Variants in USP9X observed in about 807,000 individuals in gnomAD.
USP9X encodes ubiquitin carboxyl-terminal hydrolase 9X.
In USP9X, 7 loss-of-function variants were observed where a neutral mutation model predicts 190.3. The observed-to-expected ratio is 0.04, with a 90% CI of 0.02 to 0.07. The LOEUF (loss-of-function observed/expected upper bound fraction) is 0.07, where lower values mean the gene tolerates loss of function less well. USP9X is among the 10% of genes least tolerant of loss of function. The pLI is 1.00. For missense variants in USP9X, 1,010 were observed against 1,916.9 expected, an observed-to-expected ratio of 0.53 and a Z score of 8.83; for synonymous variants, 645 against 659.5, an observed-to-expected ratio of 0.98 and a Z score of 0.34.
Position 41,183,430 on chromosome X carries a change from A to G in USP9X, c.3149-568A>G, listed in dbSNP as rs768638775. Among the ~76,000 whole-genome samples the G allele has an allele frequency of 5.6e-3, 632 of 111,900 alleles. 1 individual carries two copies. Among genetic ancestry groups the G allele is most frequent in the Non-Finnish European group, 8.2e-3 (436 of 53,149 alleles). On this transcript the variant is annotated intron_variant, in intron 21 of 44. Coordinates refer to ENST00000378308, the MANE Select transcript of USP9X (RefSeq NM_001039591.3). ...TTTGGGATTATCTTATTTTTCCCCC[A>G]CTGTGTCTTTTCACCGTAATTTAAA...
intron 32 of USP9X, among the ~76,000 whole-genome samples, chrX:41,207,237 C>G (rs921408452): frequency 2.8e-5 from 3 of 108,082 alleles, no homozygotes; most frequent in Non-Finnish European, 5.8e-5. Context: ...GACAGGCCCA[C>G]CACACCCCGC....
At chrX:41,179,207 T>A (rs2062805580) in intron 21 of USP9X, among the ~76,000 whole-genome samples, 1 of 111,524 alleles carries the variant, frequency 9.0e-6, no homozygotes. Context: ...CTTTTGTAGT[T>A]CCATATGAAT....
intron 30 of USP9X, among the ~76,000 whole-genome samples, chrX:41,200,048 ATAAT>A (rs978623825): frequency 1.3e-4 from 15 of 112,014 alleles, no homozygotes; most frequent in Non-Finnish European, 2.8e-4. Context: ...ACTTAAGAAT[ATAAT>A]TGATTATAGT....
Position 41,230,508 on chromosome X carries a change from A to C in USP9X, c.7439A>C (p.Asp2480Ala). The C allele has an allele frequency of 8.3e-7, 1 of 1,209,768 alleles. No homozygotes were observed. The highest frequency in any genetic ancestry group is 1.1e-6 in the Non-Finnish European group (1 of 894,381). The change falls in exon 44 of 45, where the codon GAT becomes GCT. Residue 2480 changes from aspartate (D) to alanine (A), a missense_variant. Physicochemically the swap from Asp to Ala is moderately radical, Grantham distance 126. Coordinates refer to ENST00000378308, the MANE Select transcript of USP9X (RefSeq NM_001039591.3). Reference protein sequence around the residue: ...ACELCPEEEPDDQDAPDEHES... With the variant: ...ACELCPEEEPADQDAPDEHES... Reference sequence around the variant, plus strand: ...TGAAATATTCAAAATTAGGAGCCAGATGACCAAGATGCTCCAGATGAACAT... The same window carrying C: ...TGAAATATTCAAAATTAGGAGCCAGCTGACCAAGATGCTCCAGATGAACAT...
Position 41,189,294 on chromosome X carries a change from A to G in USP9X, c.3811-15A>G. ...TACTTCTTTGGGTAATTTGTTCTTG[A>G]TTGTAATTTTACAGACCAATGCAGG... On this transcript the variant is annotated splice_polypyrimidine_tract_variant and intron_variant, in intron 25 of 44. Transcript: ENST00000378308. 2.5e-6 allele frequency: 3 copies of G among 1,197,488 alleles called. No homozygotes were observed. Among genetic ancestry groups the G allele is most frequent in the Non-Finnish European group, 3.4e-6 (3 of 888,361 alleles).
At chrX:41,207,171 C>G (rs1186169727) in intron 32 of USP9X, among the ~76,000 whole-genome samples, 4 of 100,177 alleles carry the variant, frequency 4.0e-5, no homozygotes, top group African/African-American at 1.5e-4. Flanking sequence ...TCACTGCAAC[C>G]TCTGCCTCCC....
chrX:41,229,729 C>A lies in USP9X; in HGVS notation c.7381C>A (p.His2461Asn). The A allele has an allele frequency of 8.3e-7, 1 of 1,211,876 alleles. No homozygotes were observed. Among genetic ancestry groups the A allele is most frequent in the Non-Finnish European group, 1.1e-6 (1 of 895,586 alleles). Residue 2461 changes from histidine (H) to asparagine (N), a missense_variant, in exon 43 of 45, where the codon CAT becomes AAT. Physicochemically the swap from His to Asn is moderately conservative, Grantham distance 68 (BLOSUM62 1). Around this residue, in one of 11 missense-constraint regions of USP9X, gnomAD observed 20 missense variants for 59.3 expected, o/e 0.34. Coordinates refer to ENST00000378308, the MANE Select transcript of USP9X (RefSeq NM_001039591.3). ...TSNGYFLERS[H>N]SARMTLAKAC... Reference sequence around the variant, plus strand: ...CAATGGTTATTTCTTGGAGAGATCACATAGTGCTAGGATGACACTTGCAAA... The same window carrying A: ...CAATGGTTATTTCTTGGAGAGATCAAATAGTGCTAGGATGACACTTGCAAA...
At chrX:41,107,086 A>G (rs2062075626) in intron 1 of USP9X, among the ~76,000 whole-genome samples, 2 of 108,099 alleles carry the variant, frequency 1.9e-5, no homozygotes, top group Admixed American at 1.0e-4. Flanking sequence ...GGGTTTCACA[A>G]TGTTGGCCAG....
In USP9X at chrX:41,232,906, C is replaced by A; in HGVS notation, c.*382C>A. The A allele has an allele frequency of 8.7e-6, 1 of 114,990 alleles. No individual in the cohort carries two copies. Among genetic ancestry groups the A allele is most frequent in the Non-Finnish European group, 1.8e-5 (1 of 54,980 alleles). 9.5% of individuals were successfully genotyped at this position (114,990 alleles called of 1,213,427 possible). A position where few individuals can be genotyped will look rare whatever the true frequency, so the allele number is the denominator to read the frequency against. ...GCAACCAGTGTTGCCTGCCTCATGG[C>A]AGTTGGATCAGCTCCTTTACAAAAA... On this transcript the variant is annotated 3_prime_UTR_variant, in exon 45 of 45. Coordinates refer to ENST00000378308, the MANE Select transcript of USP9X (RefSeq NM_001039591.3).
chrX:41,220,645 A>G (rs1317653600), intron 38 of USP9X, among the ~76,000 whole-genome samples: 1 of 112,343 alleles, frequency 8.9e-6, no homozygotes, highest in Non-Finnish European at 1.9e-5. Flanking sequence ...CCACATTTTG[A>G]CAGCAACTTA....
chrX:41,140,725 A>G lies in USP9X; in HGVS notation c.724A>G (p.Ile242Val), dbSNP rs757553294. 7.5e-6 allele frequency: 9 copies of G among 1,205,848 alleles called. No individual in the cohort carries two copies. Among genetic ancestry groups the G allele is most frequent in the Non-Finnish European group, 1.0e-5 (9 of 893,809 alleles). Residue 242 changes from isoleucine to valine, a missense_variant, in exon 7 of 45, where the codon ATT (isoleucine) becomes GTT (valine). Physicochemically the swap from Ile to Val is conservative, Grantham distance 29. This residue lies in a region of USP9X where 176 missense variants were observed against 247.5 expected (regional missense o/e 0.71). Coordinates refer to ENST00000378308, the MANE Select transcript of USP9X (RefSeq NM_001039591.3). ...NGFQILHDRF[I>V]NGSALNVQII... ...GTTCCAGATTTTGCATGATCGTTTTATTAATGGATCAGCATTAAACGTTCA... is the reference window on the plus strand; with the variant it reads ...GTTCCAGATTTTGCATGATCGTTTTGTTAATGGATCAGCATTAAACGTTCA...
At chrX:41,184,149 G>T (rs780123756) in intron 22 of USP9X, 21 bp downstream of exon 22, 10 of 1,171,416 alleles carry the variant, frequency 8.5e-6, no homozygotes, top group African/African-American at 1.8e-5. Context: ...GGGGTTTTTT[G>T]TTGTTGTTGT....
intron 1 of USP9X, among the ~76,000 whole-genome samples, chrX:41,087,229 C>T (rs879144471): frequency 3.6e-5 from 4 of 112,248 alleles, no homozygotes; most frequent in Admixed American, 2.8e-4. Flanking sequence ...TGTTCTTTTA[C>T]CTGGAAACCC....
At chrX:41,124,701 T>C (rs2062221578) in intron 2 of USP9X, among the ~76,000 whole-genome samples, 1 of 111,650 alleles carries the variant, frequency 9.0e-6, no homozygotes, top group African/African-American at 3.3e-5. Context: ...AAATTGTCAA[T>C]TTACAATAAG....
At position 41,188,240 on chromosome X, in the gene USP9X, A is replaced by G. The variant is rs1017308154; in HGVS notation, c.3810+123A>G. On this transcript the variant is annotated intron_variant, in intron 25 of 44. Coordinates refer to ENST00000378308, the MANE Select transcript of USP9X (RefSeq NM_001039591.3). The stretch of plus-strand genomic sequence containing the variant: ...ATCACTTGCATCTTAATGGTTGAAA[A>G]TTAATTGATAGCTATGTTGAGAATA... 1.4e-5 allele frequency: 10 copies of G among 707,568 alleles called. No individual in the cohort carries two copies. In the African/African-American group the frequency reaches 2.2e-4, roughly 15 times the overall value. The allele number at this position is 707,568 out of a possible 1,213,427, so 58.3% of individuals were successfully genotyped here.
At chrX:41,187,595 A>T (rs1290907408) in intron 24 of USP9X, among the ~76,000 whole-genome samples, 1 of 112,451 alleles carries the variant, frequency 8.9e-6, no homozygotes, top group African/African-American at 3.2e-5. Context: ...TGTAGTAGTA[A>T]AATGTAATAG....
chrX:41,199,806 C>T (rs996092365), intron 30 of USP9X, among the ~76,000 whole-genome samples: 1 of 111,346 alleles, frequency 9.0e-6, no homozygotes, highest in Non-Finnish European at 1.9e-5. Context: ...GTTATGAGTT[C>T]GAAGAAAATC....
intron 14 of USP9X, among the ~76,000 whole-genome samples, chrX:41,160,171 A>G (rs2062617102): frequency 9.1e-6 from 1 of 110,209 alleles, no homozygotes; most frequent in Non-Finnish European, 1.9e-5. Context: ...AGTCTCATCT[A>G]ATTCTTCCTG....
intron 26 of USP9X, chrX:41,189,816 T>G (rs1322577347): frequency 7.5e-6 from 1 of 134,075 alleles, no homozygotes; most frequent in East Asian, 2.0e-4. Context: ...ATGCCAGGTT[T>G]TTTTTAAAGC....
Sources: allele counts gnomAD v4.1 joint callset (sites outside exome capture counted in the v4.1 genomes callset), GRCh38; gene constraint gnomAD v4.1.1; regional missense constraint gnomAD v4.1.1; transcripts MANE v1.5; gene names NCBI Gene and HGNC (gene_info 2026-07-23, HGNC 2026-07-21).